Variants in NGEF observed in about 807,000 individuals in gnomAD.
The protein encoded by NGEF is ephexin-1.
In NGEF, 31 loss-of-function variants were observed where a neutral mutation model predicts 80.9. That is an observed-to-expected ratio of 0.38 (90% CI 0.29 to 0.52). The LOEUF (loss-of-function observed/expected upper bound fraction) is 0.52. Ranked by LOEUF, NGEF falls within the 20% of genes least tolerant of loss-of-function variation. The pLI, the probability that NGEF is intolerant of heterozygous loss-of-function variation, is 0.84. For synonymous variants in NGEF, 371 were observed against 370.2 expected, an observed-to-expected ratio of 1.00 and a Z score of -0.03; for missense variants, 709 against 926.2, an observed-to-expected ratio of 0.77 and a Z score of 3.04.
intron 5 of NGEF, among the ~76,000 whole-genome samples, chr2:232,907,470 C>T (rs553094732): frequency 6.6e-6 from 1 of 152,194 alleles, no homozygotes; most frequent in South Asian, 2.1e-4. Context: ...CTGAAGATCC[C>T]GGTTTTGTGT....
At chr2:232,959,927 A>G (rs899981077) in intron 3 of NGEF, among the ~76,000 whole-genome samples, 1 of 152,214 alleles carries the variant, frequency 6.6e-6, no homozygotes, top group African/African-American at 2.4e-5. Flanking sequence ...CACAATGTTT[A>G]ACAACCAGGT....
chr2:232,935,386 G>C (rs1693308207), intron 3 of NGEF, among the ~76,000 whole-genome samples: 1 of 152,228 alleles, frequency 6.6e-6, no homozygotes. Context: ...GGGAGGCTGA[G>C]GCAGGCAGAT....
At chr2:232,908,204 G>A (rs183771020) in intron 5 of NGEF, among the ~76,000 whole-genome samples, 13 of 152,284 alleles carry the variant, frequency 8.5e-5, no homozygotes, top group African/African-American at 3.1e-4. Context: ...GGGCATATAA[G>A]TTTCTTCTCC....
chr2:232,988,036 CGTGTGTGTGT>C (rs57143286), intron 1 of NGEF, among the ~76,000 whole-genome samples: 6,244 of 140,316 alleles, frequency 0.044, 477 homozygotes, highest in African/African-American at 0.15. Context: ...GGGATGGTCT[CGTGTGTGTGT>C]GTGTGTGTGT....
intron 5 of NGEF, among the ~76,000 whole-genome samples, chr2:232,896,999 C>T (rs973304983): frequency 7.9e-5 from 7 of 88,596 alleles, no homozygotes; most frequent in Non-Finnish European, 1.4e-4. Context: ...GGTAGGGGTG[C>T]GGGTGAGGGT....
intron 6 of NGEF, 140 bp from the exon 7 acceptor site, chr2:232,893,190 T>C: frequency 2.6e-6 from 2 of 773,586 alleles, no homozygotes; most frequent in Non-Finnish European, 4.1e-6. Context: ...ACAAGATCCA[T>C]CGGCAGGGGC....
chr2:232,880,521 G>A (rs886893496), intron 14 of NGEF, among the ~76,000 whole-genome samples: 9 of 152,252 alleles, frequency 5.9e-5, no homozygotes, highest in East Asian at 5.8e-4. Context: ...ACCAGGACCC[G>A]GCAGGAGGAG....
intron 3 of NGEF, among the ~76,000 whole-genome samples, chr2:232,962,367 T>C (rs1165445232): frequency 6.6e-6 from 1 of 152,040 alleles, no homozygotes; most frequent in Admixed American, 6.6e-5. Context: ...TGAAACCCTG[T>C]CTCTACTAAA....
At chr2:232,923,386 G>C (rs1366525801) in intron 4 of NGEF, among the ~76,000 whole-genome samples, 1 of 152,178 alleles carries the variant, frequency 6.6e-6, no homozygotes, top group African/African-American at 2.4e-5. Flanking sequence ...GAGGGCTTCT[G>C]TTTGAGTGCT....
rs147671498 is a variant in NGEF at position 232,953,685 on chromosome 2, C to A, written c.383+16529G>T. Reference sequence around the variant, plus strand: ...CAGTTCTGGTGCTCCAGGATGTATGCGGTTTCTTCTATGGAGCATAACTGA... The same window carrying A: ...CAGTTCTGGTGCTCCAGGATGTATGAGGTTTCTTCTATGGAGCATAACTGA... On this transcript the variant is annotated intron_variant, in intron 3 of 14. Transcript: ENST00000264051. 3.5e-3 allele frequency among the ~76,000 whole-genome samples: 526 copies of A among 152,108 alleles called. 1 individual carries two copies. The highest frequency in any genetic ancestry group is 0.012 in the African/African-American group (492 of 41,496).
chr2:232,919,629 CATTT>C (rs1692891569), intron 5 of NGEF, among the ~76,000 whole-genome samples: 1 of 152,232 alleles, frequency 6.6e-6, no homozygotes, highest in East Asian at 1.9e-4. Context: ...ATTTCTTATT[CATTT>C]GTTACTGGTT....
intron 1 of NGEF, among the ~76,000 whole-genome samples, chr2:233,003,912 C>T (rs1290706697): frequency 2.6e-5 from 4 of 152,254 alleles, no homozygotes; most frequent in Non-Finnish European, 5.9e-5. Context: ...CCAACTTGGC[C>T]CTTGTTGTGT....
intron 5 of NGEF, among the ~76,000 whole-genome samples, chr2:232,917,489 A>G (rs1234718097): frequency 6.8e-6 from 1 of 146,026 alleles, no homozygotes; most frequent in African/African-American, 2.6e-5. Flanking sequence ...TTTTTTTCTG[A>G]GATGGAGTCT....
intron 5 of NGEF, among the ~76,000 whole-genome samples, chr2:232,899,650 ACT>A (rs1692215044): frequency 1.1e-5 from 1 of 89,504 alleles, no homozygotes; most frequent in African/African-American, 3.8e-5. Flanking sequence ...ATACACGTTC[ACT>A]CACATTCACT....
In NGEF at chr2:232,945,273, TA is replaced by T. The variant is rs201667305; in HGVS notation, c.384-18088del. Reference sequence around the variant, plus strand: ...CCCTGACTGAGGTCTATTCTAGGACTAAAAAAAAAAGAGGCAAATTTTACAC... The same window carrying T: ...CCCTGACTGAGGTCTATTCTAGGACTAAAAAAAAAGAGGCAAATTTTACAC... On this transcript the variant is annotated intron_variant, in intron 3 of 14. Transcript: ENST00000264051. 2.2e-3 allele frequency among the ~76,000 whole-genome samples: 323 copies of T among 148,274 alleles called. 4 individuals are homozygous for T. Among genetic ancestry groups the T allele is most frequent in the East Asian group, 0.019 (96 of 5,080 alleles).
chr2:232,903,492 G>T (rs922094863), intron 5 of NGEF, among the ~76,000 whole-genome samples: 4 of 152,090 alleles, frequency 2.6e-5, no homozygotes, highest in Non-Finnish European at 5.9e-5. Context: ...GGAACTGGGT[G>T]GCCCAGGACA....
At chr2:232,914,314 C>G (rs1353760287) in intron 5 of NGEF, among the ~76,000 whole-genome samples, 2 of 152,240 alleles carry the variant, frequency 1.3e-5, no homozygotes, top group Non-Finnish European at 2.9e-5. Flanking sequence ...TTTGTTTAAA[C>G]CAGGTGGAAT....
chr2:232,979,837 C>A (rs997103597), intron 1 of NGEF, among the ~76,000 whole-genome samples: 6 of 151,936 alleles, frequency 3.9e-5, no homozygotes, highest in Non-Finnish European at 2.9e-5. Flanking sequence ...GGCCACACAA[C>A]AACACTCTGT....
chr2:233,007,523 A>G (rs952879679), intron 1 of NGEF, among the ~76,000 whole-genome samples: 1 of 152,188 alleles, frequency 6.6e-6, no homozygotes, highest in Non-Finnish European at 1.5e-5. Context: ...AGGAGGATGC[A>G]CACCGGGGGC....
Sources: allele counts gnomAD v4.1 joint callset (sites outside exome capture counted in the v4.1 genomes callset), GRCh38; gene constraint gnomAD v4.1.1; transcripts MANE v1.5; gene names NCBI Gene and HGNC (gene_info 2026-07-23, HGNC 2026-07-21).